The following CELF2 variants were observed in gnomAD, a reference collection of about 807,000 sequenced individuals.
CELF2 encodes CUGBP Elav-like family member 2.
A neutral mutation model predicts 62.6 loss-of-function variants in CELF2; 8 were observed. The ratio of observed to expected loss-of-function variants is 0.13; its 90% CI spans 0.07 to 0.23. The LOEUF (loss-of-function observed/expected upper bound fraction) is 0.23, where lower values mean the gene tolerates loss of function less well. Ranked by LOEUF, CELF2 falls within the 10% of genes least tolerant of loss-of-function variation. The probability of loss-of-function intolerance (pLI) is 1.00; values close to 1 mark genes in which losing one functional copy is unlikely to be tolerated. For missense variants in CELF2, 333 were observed against 671.0 expected, an observed-to-expected ratio of 0.50 and a Z score of 5.56; for synonymous variants, 258 against 250.0, an observed-to-expected ratio of 1.03 and a Z score of -0.30.
intron 1 of CELF2, among the ~76,000 whole-genome samples, chr10:10,807,390 T>G (rs1475819746): frequency 6.6e-6 from 1 of 152,234 alleles, no homozygotes; most frequent in Non-Finnish European, 1.5e-5. Context: ...TCCTTAAATA[T>G]GTCTGGTCAT....
At chr10:11,164,407 C>T (rs1366947747) in intron 1 of CELF2, among the ~76,000 whole-genome samples, 1 of 152,184 alleles carries the variant, frequency 6.6e-6, no homozygotes, top group Non-Finnish European at 1.5e-5. Context: ...GCATTCTCTT[C>T]CAAATGGGGA....
chr10:10,577,866 T>C, the CELF2 span, among the ~76,000 whole-genome samples: 11 of 152,150 alleles, frequency 7.2e-5, no homozygotes, highest in Non-Finnish European at 1.0e-4. Context: ...GTCCTTTGGG[T>C]ATATACCCAG....
chr10:10,633,474 C>T, the CELF2 span, among the ~76,000 whole-genome samples: 11 of 152,228 alleles, frequency 7.2e-5, no homozygotes, highest in East Asian at 2.1e-3. Context: ...GTATCCATTG[C>T]TCATGTGCCT....
chr10:10,557,525 T>C, the CELF2 span, among the ~76,000 whole-genome samples: 50 of 146,614 alleles, frequency 3.4e-4, no homozygotes, highest in Middle Eastern at 6.9e-3. Flanking sequence ...GAGCTCTTTT[T>C]TGGTTCCATA....
chr10:10,595,531 C>A, the CELF2 span, among the ~76,000 whole-genome samples: 5 of 152,276 alleles, frequency 3.3e-5, no homozygotes, highest in African/African-American at 1.2e-4. Flanking sequence ...GGGGTGGAAG[C>A]AGCTTTCCAT....
At chr10:11,055,163 A>T (rs2064947858) in intron 1 of CELF2, among the ~76,000 whole-genome samples, 1 of 152,252 alleles carries the variant, frequency 6.6e-6, no homozygotes, top group Non-Finnish European at 1.5e-5. Context: ...TAACTGGAAA[A>T]CAAGTTGATG....
chr10:11,064,613 G>C (rs1248019164), intron 1 of CELF2, among the ~76,000 whole-genome samples: 1 of 152,076 alleles, frequency 6.6e-6, no homozygotes, highest in Non-Finnish European at 1.5e-5. Context: ...GACCTGTTCT[G>C]CTTCAAATAG....
intron 1 of CELF2, among the ~76,000 whole-genome samples, chr10:11,151,936 G>A (rs2063415780): frequency 6.6e-6 from 1 of 152,068 alleles, no homozygotes; most frequent in African/African-American, 2.4e-5. Context: ...GGCAGGCGTG[G>A]GGCAGTCTAC....
the CELF2 span, among the ~76,000 whole-genome samples, chr10:10,696,048 G>A: frequency 2.0e-5 from 3 of 151,970 alleles, no homozygotes; most frequent in South Asian, 2.1e-4. Context: ...CGTTGCTGGT[G>A]AGGAACTGCG....
the CELF2 span, among the ~76,000 whole-genome samples, chr10:10,656,041 C>T: frequency 6.7e-6 from 1 of 150,320 alleles, no homozygotes; most frequent in Admixed American, 6.6e-5. Flanking sequence ...AAAAACAACC[C>T]CATCAAAAAG....
chr10:11,268,697 GGT>G lies in CELF2; in HGVS notation c.619-1968_619-1967del, dbSNP rs1491468196. On this transcript the variant is annotated intron_variant, in intron 6 of 12. Transcript: ENST00000633077. This position sits in a 1 kb window ranked among gnomAD's most constrained non-coding sequence, Gnocchi z 4.7. The stretch of plus-strand genomic sequence containing the variant: ...CCTCTGACACTTAAATTTCTTGTTT[GGT>G]TTTTTTTTTAATTGGCATTTAAATA... Among the ~76,000 whole-genome samples the G allele has an allele frequency of 5.7e-5, 4 of 70,274 alleles. No individual in the cohort carries two copies. In the East Asian group the frequency reaches 2.5e-3, roughly 44 times the overall value. 46.1% of individuals were successfully genotyped at this position (70,274 alleles called of 152,430 possible). A position where few individuals can be genotyped will look rare whatever the true frequency, so the allele number is the denominator to read the frequency against.
chr10:10,720,609 G>A, the CELF2 span, among the ~76,000 whole-genome samples: 4,227 of 152,208 alleles, frequency 0.028, 186 homozygotes, highest in African/African-American at 0.092. Context: ...AGCCTATAGC[G>A]AACGCTGACA....
At chr10:10,471,191 A>T in the CELF2 span, among the ~76,000 whole-genome samples, 1 of 151,792 alleles carries the variant, frequency 6.6e-6, no homozygotes, top group Non-Finnish European at 1.5e-5. Flanking sequence ...CTCCAGATGT[A>T]CATAAAAAGA....
chr10:11,256,594 C>A (rs1399994152), intron 4 of CELF2, among the ~76,000 whole-genome samples: 1 of 110,874 alleles, frequency 9.0e-6, no homozygotes. Context: ...TTTTTTAATT[C>A]TAAGAAATAG....
At chr10:11,143,268 A>G (rs965944616) in intron 1 of CELF2, among the ~76,000 whole-genome samples, 9 of 152,146 alleles carry the variant, frequency 5.9e-5, no homozygotes, top group African/African-American at 1.7e-4. Context: ...TCACAGTTCT[A>G]ATATCCAGTT....
chr10:11,164,493 T>C (rs894334922), intron 1 of CELF2, among the ~76,000 whole-genome samples: 10 of 152,222 alleles, frequency 6.6e-5, no homozygotes, highest in African/African-American at 2.2e-4. Context: ...AAATATTTAC[T>C]GAAGCTGGGA....
intron 2 of CELF2, among the ~76,000 whole-genome samples, chr10:11,168,631 G>A (rs946674299): frequency 1.3e-5 from 2 of 152,338 alleles, no homozygotes; most frequent in Admixed American, 6.5e-5. Flanking sequence ...GGTTATGTGA[G>A]TGAGGCTTTT....
chr10:11,086,889 T>G (rs1015094791), intron 1 of CELF2, among the ~76,000 whole-genome samples: 1 of 152,038 alleles, frequency 6.6e-6, no homozygotes, highest in African/African-American at 2.4e-5. Context: ...CAGGAGGAGA[T>G]GGGGGAGCAA....
chr10:11,334,520 G>C lies in CELF2; in HGVS notation c.*5467G>C, dbSNP rs2096083713. The stretch of plus-strand genomic sequence containing the variant: ...TATCTGATTTGGGGAAGAGGAAACT[G>C]CACAGCAGCCACCTTTGATTTATGT... On this transcript the variant is annotated 3_prime_UTR_variant, in exon 13 of 13. Coordinates refer to ENST00000633077, the MANE Select transcript of CELF2 (RefSeq NM_001326342.2). 1 of 152,578 alleles carries C rather than the reference G, an allele frequency of 6.6e-6. No homozygotes were observed. The highest frequency in any genetic ancestry group is 6.5e-5 in the Admixed American group (1 of 15,272). The allele number at this position is 152,578 out of a possible 1,614,324, so 9.5% of individuals were successfully genotyped here.
Sources: allele counts gnomAD v4.1 joint callset (sites outside exome capture counted in the v4.1 genomes callset), GRCh38; gene constraint gnomAD v4.1.1; non-coding constraint Gnocchi (gnomAD v3.1); transcripts MANE v1.5; gene names NCBI Gene and HGNC (gene_info 2026-07-23, HGNC 2026-07-21).